The following CC2D2B variants were observed in gnomAD, a reference collection of about 807,000 sequenced individuals.
The protein encoded by CC2D2B is coiled-coil and C2 domain containing 2B.
A neutral mutation model predicts 161.2 loss-of-function variants in CC2D2B; 128 were observed. That is an observed-to-expected ratio of 0.79 (90% confidence interval 0.69 to 0.92). The LOEUF (loss-of-function observed/expected upper bound fraction) is 0.92, where lower values mean the gene tolerates loss of function less well. CC2D2B is among the 40% of genes least tolerant of loss of function. The pLI is 0.00. For synonymous variants in CC2D2B, 391 were observed against 449.8 expected (o/e 0.87, Z 1.65); for missense variants, 1,173 against 1,375.1 (o/e 0.85, Z 2.32).
intron 7 of CC2D2B, 108 bp from the exon 8 acceptor site, chr10:95,938,461 A>G: frequency 1.7e-6 from 1 of 605,556 alleles, no homozygotes. Context: ...GCTTTCTGCT[A>G]GACTTCAGTA....
intron 32 of CC2D2B, among the ~76,000 whole-genome samples, chr10:96,024,215 G>A (rs1267467380): frequency 1.3e-5 from 2 of 152,048 alleles, no homozygotes; most frequent in African/African-American, 2.4e-5. Context: ...TTGGAGACAG[G>A]GGAGGTTGAA....
chr10:95,959,197 TGCAA>T (rs1318856595), intron 11 of CC2D2B, among the ~76,000 whole-genome samples: 1 of 152,196 alleles, frequency 6.6e-6, no homozygotes, highest in African/African-American at 2.4e-5. Context: ...GAAACCTTTC[TGCAA>T]AGAAAACTCC....
At chr10:96,020,768 T>G (rs2079417523) in intron 32 of CC2D2B, 1 of 152,220 alleles carries the variant, frequency 6.6e-6, no homozygotes, top group African/African-American at 2.4e-5. Flanking sequence ...CATGGTGGCT[T>G]ATGCCTGTAA....
chr10:95,976,753 C>CT (rs1262730615), intron 17 of CC2D2B, among the ~76,000 whole-genome samples: 2 of 151,984 alleles, frequency 1.3e-5, no homozygotes, highest in South Asian at 2.1e-4. Flanking sequence ...AGCTTTGATG[C>CT]TTTTTTTTGT....
intron 21 of CC2D2B, among the ~76,000 whole-genome samples, chr10:95,991,917 C>T (rs902980541): frequency 2.0e-5 from 3 of 152,150 alleles, no homozygotes; most frequent in Non-Finnish European, 2.9e-5. Context: ...GCTGAAGTAA[C>T]TCAATTCTCA....
At chr10:95,996,622 T>C (rs2078240195) in intron 24 of CC2D2B, among the ~76,000 whole-genome samples, 1 of 152,232 alleles carries the variant, frequency 6.6e-6, no homozygotes. Flanking sequence ...CTTTCTCTCC[T>C]GTATGACTTT....
At chr10:95,953,793 G>A (rs2076484633) in intron 10 of CC2D2B, among the ~76,000 whole-genome samples, 1 of 152,134 alleles carries the variant, frequency 6.6e-6, no homozygotes, top group Non-Finnish European at 1.5e-5. Flanking sequence ...TCTTCAGCAA[G>A]TTGACTTGTG....
chr10:95,953,481 C>T (rs1229698118), intron 10 of CC2D2B, among the ~76,000 whole-genome samples: 1 of 152,182 alleles, frequency 6.6e-6, no homozygotes, highest in African/African-American at 2.4e-5. Context: ...GGATTACAGG[C>T]ATGAGCCACT....
chr10:95,995,675 A>G (rs760306063), intron 23 of CC2D2B, among the ~76,000 whole-genome samples: 2 of 152,138 alleles, frequency 1.3e-5, no homozygotes, highest in African/African-American at 4.8e-5. Context: ...TGAGGCCTCT[A>G]CTAGTTGTTT....
intron 20 of CC2D2B, among the ~76,000 whole-genome samples, chr10:95,988,768 C>A (rs968983566): frequency 6.6e-6 from 1 of 152,120 alleles, no homozygotes; most frequent in Non-Finnish European, 1.5e-5. Context: ...CGCTTTGAAA[C>A]GAAGCCAAAT....
At chr10:96,005,121 G>T (rs1321754409) in intron 25 of CC2D2B, among the ~76,000 whole-genome samples, 4 of 152,172 alleles carry the variant, frequency 2.6e-5, no homozygotes, top group Non-Finnish European at 5.9e-5. Flanking sequence ...TTTCTCCAAG[G>T]AGTTAAACTG....
chr10:95,999,964 T>C (rs2078402692), intron 24 of CC2D2B: 1 of 675,366 alleles, frequency 1.5e-6, no homozygotes, highest in South Asian at 1.6e-5. Flanking sequence ...TTAGAGCACT[T>C]ATGTGCTCAA....
intron 6 of CC2D2B, among the ~76,000 whole-genome samples, chr10:95,927,710 T>C (rs1033878955): frequency 5.3e-5 from 8 of 151,800 alleles, no homozygotes; most frequent in Admixed American, 1.3e-4. Flanking sequence ...TTCTTTCTTT[T>C]TTTTTTTTTG....
At chr10:95,925,699 A>G (rs1397303380) in intron 5 of CC2D2B, among the ~76,000 whole-genome samples, 2 of 152,246 alleles carry the variant, frequency 1.3e-5, no homozygotes, top group South Asian at 2.1e-4. Context: ...AATGTAACAA[A>G]TCAGCAGTCG....
At chr10:96,000,320 CTTTA>C (rs548802401) in intron 24 of CC2D2B, 233 of 404,544 alleles carry the variant, frequency 5.8e-4, no homozygotes, top group African/African-American at 4.7e-3. Flanking sequence ...TTTCGTCTGT[CTTTA>C]TTTATTTATA....
intron 24 of CC2D2B, among the ~76,000 whole-genome samples, chr10:95,999,326 ATATTC>A (rs1194228451): frequency 1.3e-5 from 2 of 152,074 alleles, no homozygotes; most frequent in African/African-American, 4.8e-5. Flanking sequence ...CCCCTGCATA[ATATTC>A]TATTATATGG....
At chr10:95,908,632 G>A (rs766598854) in intron 1 of CC2D2B, among the ~76,000 whole-genome samples, 1 of 152,118 alleles carries the variant, frequency 6.6e-6, no homozygotes, top group African/African-American at 2.4e-5. Flanking sequence ...CAATGTTGGA[G>A]AGTGGTCACT....
intron 34 of CC2D2B, among the ~76,000 whole-genome samples, chr10:96,028,342 G>A (rs1389745155): frequency 6.6e-6 from 1 of 152,052 alleles, no homozygotes; most frequent in Admixed American, 6.6e-5. Context: ...TTCAAAAGAA[G>A]ACATACAATT....
At chr10:95,930,884 A>C (rs768001641) in intron 6 of CC2D2B, among the ~76,000 whole-genome samples, 19 of 152,146 alleles carry the variant, frequency 1.2e-4, no homozygotes, top group Non-Finnish European at 5.9e-5. Context: ...TGGTATCAGG[A>C]TGATGCTGGC....
Sources: allele counts gnomAD v4.1 joint callset (sites outside exome capture counted in the v4.1 genomes callset), GRCh38; gene constraint gnomAD v4.1.1; transcripts MANE v1.5; gene names NCBI Gene and HGNC (gene_info 2026-07-23, HGNC 2026-07-21).